The following PRSS38 variants were observed in gnomAD, a reference collection of about 807,000 sequenced individuals.
PRSS38 encodes the protein marapsin 2.
In PRSS38, 22 loss-of-function variants were observed where a neutral mutation model predicts 26.8. The ratio of observed to expected loss-of-function variants is 0.82; its 90% CI spans 0.59 to 1.17. The LOEUF is 1.17. PRSS38 is among the 50% of genes most tolerant of loss of function. The probability of loss-of-function intolerance (pLI) is 0.00; values close to 1 mark genes in which losing one functional copy is unlikely to be tolerated. For missense variants in PRSS38, 427 were observed against 422.7 expected, an observed-to-expected ratio of 1.01 and a Z score of -0.09; for synonymous variants, 175 against 172.1, an observed-to-expected ratio of 1.02 and a Z score of -0.13.
At chr1:227,838,152 A>G (rs1665265480) in intron 3 of PRSS38, among the ~76,000 whole-genome samples, 1 of 152,218 alleles carries the variant, frequency 6.6e-6, no homozygotes, top group South Asian at 2.1e-4. Context: ...GGTTTCACAC[A>G]TAGGGTCTTT....
rs200682477 is a variant in PRSS38, at chr1:227,816,238, G to A, written c.297G>A (p.Ala99=). 8.5e-5 allele frequency: 137 copies of A among 1,612,206 alleles called. 1 individual carries two copies. The highest frequency in any genetic ancestry group is 1.1e-4 in the Non-Finnish European group (126 of 1,178,620). Residue 99 remains alanine (A), a synonymous_variant, in exon 2 of 5, where the codon GCG becomes GCA. Coordinates refer to ENST00000366757, the Ensembl canonical transcript of PRSS38. This position sits in a 1 kb window ranked among gnomAD's most constrained non-coding sequence, Gnocchi z 5.1. ...ATGAGTACTGGGTGCTGTCAGCTGC[G>A]CACTGCTTTCACAGGTAAGCGGGCG...
At chr1:227,835,179 G>A (rs990066793) in intron 3 of PRSS38, among the ~76,000 whole-genome samples, 34 of 152,164 alleles carry the variant, frequency 2.2e-4, no homozygotes, top group African/African-American at 8.0e-4. Context: ...TGGAAAATAG[G>A]TACTGGCAAG....
chr1:227,846,333 G>A lies in PRSS38; in HGVS notation c.*125G>A, dbSNP rs553262941. ...CAGACAAGGGCCACCTATCCCGGGG[G>A]TGGATGCTGAGTCCAGGAGGTGATG... On this transcript the variant is annotated 3_prime_UTR_variant, in exon 5 of 5. Coordinates refer to ENST00000366757, the Ensembl canonical transcript of PRSS38. 52 of 1,265,794 alleles carry A rather than the reference G, an allele frequency of 4.1e-5. No individual in the cohort carries two copies. The African/African-American group carries it at 6.4e-4, about 16-fold the overall frequency. The allele number at this position is 1,265,794 out of a possible 1,614,324, so 78.4% of individuals were successfully genotyped here. A position where few individuals can be genotyped will look rare whatever the true frequency, so the allele number is the denominator to read the frequency against.
At chr1:227,830,939 C>T (rs1665145374) in intron 3 of PRSS38, among the ~76,000 whole-genome samples, 2 of 152,044 alleles carry the variant, frequency 1.3e-5, no homozygotes, top group South Asian at 4.2e-4. Context: ...TTATCTTGGT[C>T]ATTATAACTA....
At chr1:227,840,522 C>T (rs1408454044) in intron 3 of PRSS38, among the ~76,000 whole-genome samples, 4 of 152,156 alleles carry the variant, frequency 2.6e-5, no homozygotes, top group Non-Finnish European at 4.4e-5. Flanking sequence ...CTACATTTTT[C>T]TTCAAGCATA....
exon 3 of PRSS38, chr1:227,817,445 G>C: frequency 6.2e-7 from 1 of 1,614,200 alleles, no homozygotes; most frequent in Non-Finnish European, 8.5e-7. Context: ...AGTGCCAATT[G>C]CTGGGCTACG....
chr1:227,845,590 T>G, exon 4 of PRSS38: 1 of 1,613,770 alleles, frequency 6.2e-7, no homozygotes, highest in Non-Finnish European at 8.5e-7. Context: ...GGGGACATCC[T>G]GAATGCTAAG....
At chr1:227,840,660 T>G (rs924368100) in intron 3 of PRSS38, among the ~76,000 whole-genome samples, 34 of 152,070 alleles carry the variant, frequency 2.2e-4, no homozygotes, top group African/African-American at 7.7e-4. Context: ...CTTTACAGAG[T>G]TTGCTCACCC....
exon 1 of PRSS38, chr1:227,815,755 C>T (rs757088156): frequency 1.2e-5 from 19 of 1,608,710 alleles, no homozygotes; most frequent in Non-Finnish European, 1.4e-5. Context: ...CACTCGGGCC[C>T]TCTGCCCTGG....
At chr1:227,832,400 A>G (rs1280745870) in intron 3 of PRSS38, among the ~76,000 whole-genome samples, 1 of 152,040 alleles carries the variant, frequency 6.6e-6, no homozygotes, top group African/African-American at 2.4e-5. Context: ...GCCTTCTTTT[A>G]TGTTAACAAA....
chr1:227,832,238 T>C (rs1665163338), intron 3 of PRSS38, among the ~76,000 whole-genome samples: 1 of 152,232 alleles, frequency 6.6e-6, no homozygotes. Flanking sequence ...TCTTCCTTTT[T>C]TATCTAGTCT....
chr1:227,824,062 T>C (rs1385153343), intron 3 of PRSS38, among the ~76,000 whole-genome samples: 1 of 152,200 alleles, frequency 6.6e-6, no homozygotes, highest in Non-Finnish European at 1.5e-5. Flanking sequence ...CTAATTTTCT[T>C]TTTTTTCTTC....
intron 3 of PRSS38, among the ~76,000 whole-genome samples, chr1:227,842,085 T>G (rs1036832926): frequency 6.6e-6 from 1 of 152,158 alleles, no homozygotes; most frequent in Non-Finnish European, 1.5e-5. Context: ...ACTGATCTAT[T>G]CATGAGGGAT....
intron 4 of PRSS38, 86 bp from the exon 5 acceptor site, chr1:227,845,868 C>G: frequency 6.5e-7 from 1 of 1,542,870 alleles, no homozygotes; most frequent in Non-Finnish European, 8.8e-7. Context: ...GTCTGCACAG[C>G]CACCCCCTTG....
At chr1:227,840,902 G>A (rs535369809) in intron 3 of PRSS38, among the ~76,000 whole-genome samples, 3 of 152,158 alleles carry the variant, frequency 2.0e-5, no homozygotes, top group African/African-American at 7.2e-5. Context: ...CCATCTTCCC[G>A]ACCTCCTATA....
At chr1:227,844,081 G>A (rs943550534) in intron 3 of PRSS38, among the ~76,000 whole-genome samples, 2 of 152,110 alleles carry the variant, frequency 1.3e-5, no homozygotes, top group Non-Finnish European at 2.9e-5. Context: ...GACTCTTCAT[G>A]GAACACTCTT....
chr1:227,841,332 T>G (rs1665334411), intron 3 of PRSS38, among the ~76,000 whole-genome samples: 1 of 152,230 alleles, frequency 6.6e-6, no homozygotes, highest in South Asian at 2.1e-4. Context: ...AGCCCCTGCT[T>G]AAATCCCGTT....
chr1:227,843,424 C>T (rs1302241724), intron 3 of PRSS38, among the ~76,000 whole-genome samples: 5 of 152,196 alleles, frequency 3.3e-5, no homozygotes, highest in African/African-American at 7.2e-5. Context: ...AAAAACCAGC[C>T]GGGCGTGGTG....
exon 5 of PRSS38, chr1:227,846,034 C>T (rs781650170): frequency 6.2e-7 from 1 of 1,614,196 alleles, no homozygotes; most frequent in Non-Finnish European, 8.5e-7. Flanking sequence ...GCCGAGGCTG[C>T]TCCAACCCTC....
Sources: gnomAD v4.1 joint callset for allele counts (sites outside exome capture counted in the v4.1 genomes callset) on GRCh38, gnomAD v4.1.1 for gene constraint, Gnocchi (gnomAD v3.1) non-coding constraint, MANE v1.5 for transcripts, NCBI Gene and HGNC (gene_info 2026-07-23, HGNC 2026-07-21) for gene names.